The following PCDH15 variants were observed in gnomAD, a reference collection of about 807,000 sequenced individuals.
PCDH15 encodes the protein protocadherin related 15, also known as protocadherin-15.
In PCDH15, 129 loss-of-function variants were observed where a neutral mutation model predicts 178.5. The ratio of observed to expected loss-of-function variants is 0.72; its 90% CI spans 0.63 to 0.84. The LOEUF is 0.84. PCDH15 is among the 40% of genes least tolerant of loss of function. PCDH15 has a pLI of 0.00. For missense variants in PCDH15, 2,230 were observed against 2,099.9 expected (o/e 1.06, Z -1.21); for synonymous variants, 800 against 732.0 (o/e 1.09, Z -1.50).
chr10:53,886,595 CTTTTTTTTT>C (rs36171553), intron 26 of PCDH15, among the ~76,000 whole-genome samples: 1 of 72,786 alleles, frequency 1.4e-5, no homozygotes, highest in African/African-American at 6.0e-5. Context: ...ATGTATGCCT[CTTTTTTTTT>C]TTTTTTTTTT....
At chr10:54,702,990 G>T (rs1482788116) in intron 1 of PCDH15, among the ~76,000 whole-genome samples, 2 of 151,902 alleles carry the variant, frequency 1.3e-5, no homozygotes, top group Non-Finnish European at 2.9e-5. Flanking sequence ...ACAAAAACTA[G>T]CAAACCAAAT....
At chr10:55,142,269 T>C (rs1838375407) in intron 2 of PCDH15, among the ~76,000 whole-genome samples, 1 of 152,118 alleles carries the variant, frequency 6.6e-6, no homozygotes, top group Admixed American at 6.6e-5. Flanking sequence ...CTATTGAGTC[T>C]GGCAATGACC....
chr10:54,302,734 T>A (rs1409402205), intron 8 of PCDH15, among the ~76,000 whole-genome samples: 1 of 152,192 alleles, frequency 6.6e-6, no homozygotes, highest in Non-Finnish European at 1.5e-5. Context: ...ATAGTTTATA[T>A]AACTTACCTA....
At chr10:55,482,058 A>T (rs1416340718) in intron 2 of PCDH15, among the ~76,000 whole-genome samples, 1 of 151,820 alleles carries the variant, frequency 6.6e-6, no homozygotes, top group Non-Finnish European at 1.5e-5. Flanking sequence ...CTTCTTGGTG[A>T]ATCTAAACCT....
In PCDH15 at chr10:54,051,769, A is replaced by G. The variant is rs190674705; in HGVS notation, c.2220+14988T>C. On this transcript the variant is annotated intron_variant, in intron 18 of 37. Transcript: ENST00000644397. ...ACATTGGGGAAAATGTCTCCAGGGC[A>G]TATCAGAGACCTGCACAGCATCCTT... Among the ~76,000 whole-genome samples, 7 of 152,298 alleles carry G rather than the reference A, an allele frequency of 4.6e-5. 1 individual carries two copies. The highest frequency in any genetic ancestry group is 1.7e-4 in the African/African-American group (7 of 41,580).
chr10:54,753,123 T>C (rs1946567982), intron 1 of PCDH15, among the ~76,000 whole-genome samples: 1 of 152,192 alleles, frequency 6.6e-6, no homozygotes, highest in Admixed American at 6.5e-5. Flanking sequence ...CCATGGTATA[T>C]ATTATAAAGA....
At chr10:54,407,652 A>T (rs1265465925) in intron 3 of PCDH15, among the ~76,000 whole-genome samples, 1 of 152,158 alleles carries the variant, frequency 6.6e-6, no homozygotes, top group Non-Finnish European at 1.5e-5. Flanking sequence ...AACTAAGAGT[A>T]CAAGGATTCA....
At chr10:55,503,676 G>A (rs1414241754) in intron 2 of PCDH15, among the ~76,000 whole-genome samples, 1 of 151,234 alleles carries the variant, frequency 6.6e-6, no homozygotes, top group Admixed American at 6.6e-5. Context: ...ATATGAAAAG[G>A]TGCTCCATAT....
chr10:54,296,428 TCTC>T (rs1408549759), intron 8 of PCDH15, among the ~76,000 whole-genome samples: 2 of 151,984 alleles, frequency 1.3e-5, no homozygotes, highest in African/African-American at 4.8e-5. Context: ...CTCGCCCATC[TCTC>T]CTATCTATCC....
At chr10:54,573,650 T>C (rs2090106692) in intron 2 of PCDH15, among the ~76,000 whole-genome samples, 1 of 152,082 alleles carries the variant, frequency 6.6e-6, no homozygotes, top group Non-Finnish European at 1.5e-5. Context: ...CCTTCATTAA[T>C]ATATAAGTCA....
intron 2 of PCDH15, among the ~76,000 whole-genome samples, chr10:54,561,559 C>T (rs1408480500): frequency 1.3e-5 from 2 of 152,000 alleles, no homozygotes; most frequent in African/African-American, 4.8e-5. Flanking sequence ...ATGTACCAAT[C>T]AGCAGTGGTG....
In PCDH15 at chr10:54,317,311, G is replaced by T. The variant is rs774256902; in HGVS notation, c.836C>A (p.Pro279Gln). Reference protein sequence around the residue: ...VLVPNTRDCRPLTYQAAIPEL... With the variant: ...VLVPNTRDCRQLTYQAAIPEL... ...AGGTATGGCAGCTTGATAAGTGAGT[G>T]GACGGCAATCACGAGTGTTTGGCAC... Residue 279 changes from proline to glutamine, a missense_variant, in exon 8 of 38, where the codon CCA becomes CAA. By Grantham distance (76) the Pro-to-Gln change is moderately conservative (BLOSUM62 -1). Transcript: ENST00000644397. The T allele has an allele frequency of 6.2e-6, 10 of 1,613,892 alleles. No homozygotes were observed. The highest frequency in any genetic ancestry group is 8.5e-6 in the Non-Finnish European group (10 of 1,179,886).
intron 1 of PCDH15, among the ~76,000 whole-genome samples, chr10:54,724,521 A>T (rs1942163264): frequency 6.6e-6 from 1 of 151,562 alleles, no homozygotes; most frequent in African/African-American, 2.4e-5. Context: ...ATACCCCCGA[A>T]TCTAAAATAA....
chr10:55,503,287 T>C (rs1173614854), intron 2 of PCDH15, among the ~76,000 whole-genome samples: 2 of 150,348 alleles, frequency 1.3e-5, no homozygotes, highest in African/African-American at 4.9e-5. Context: ...ATATGCATAA[T>C]TTGAATTAAA....
chr10:54,316,095 A>T (rs967703610), intron 8 of PCDH15, among the ~76,000 whole-genome samples: 1 of 150,468 alleles, frequency 6.6e-6, no homozygotes, highest in African/African-American at 2.5e-5. Flanking sequence ...AAAATACTTC[A>T]TTTGGCTGAA....
At chr10:53,916,554 A>T (rs906387056) in intron 25 of PCDH15, among the ~76,000 whole-genome samples, 1 of 152,098 alleles carries the variant, frequency 6.6e-6, no homozygotes, top group Non-Finnish European at 1.5e-5. Flanking sequence ...CACTATTTTA[A>T]ATCATTTTTA....
intron 1 of PCDH15, among the ~76,000 whole-genome samples, chr10:54,706,583 T>C (rs771977366): frequency 5.3e-5 from 8 of 152,174 alleles, no homozygotes; most frequent in Non-Finnish European, 1.0e-4. Context: ...TATGTAGGTA[T>C]TTGAAGACTT....
rs76131919 is a variant in PCDH15, at chr10:54,750,342, A to G, written c.-29+50583T>C. ...GATAAAAGAAAAAGAGTTAAACAGTAAATAATTAACTCCCACAGCTATAGT... is the reference window on the plus strand; with the variant it reads ...GATAAAAGAAAAAGAGTTAAACAGTGAATAATTAACTCCCACAGCTATAGT... On this transcript the variant is annotated intron_variant, in intron 1 of 37. Transcript: ENST00000644397. Among the ~76,000 whole-genome samples the G allele has an allele frequency of 1.7e-3, 256 of 152,238 alleles. 3 individuals carry two copies. In the East Asian group the frequency reaches 0.039, roughly 23 times the overall value.
intron 2 of PCDH15, among the ~76,000 whole-genome samples, chr10:55,545,143 T>TA (rs1841850485): frequency 6.6e-6 from 1 of 152,110 alleles, no homozygotes; most frequent in African/African-American, 2.4e-5. Context: ...TAAAGAAGAC[T>TA]ACTGTGCTGT....
Sources: allele counts gnomAD v4.1 joint callset (sites outside exome capture counted in the v4.1 genomes callset), GRCh38; gene constraint gnomAD v4.1.1; transcripts MANE v1.5; gene names NCBI Gene and HGNC (gene_info 2026-07-23, HGNC 2026-07-21).